The following TSHZ3 variants were observed in gnomAD, a reference collection of about 807,000 sequenced individuals.
TSHZ3 encodes the protein teashirt homolog 3.
TSHZ3 carries 10 observed loss-of-function variants against 64.5 expected under a neutral mutation model. That is an observed-to-expected ratio of 0.16 (90% CI 0.10 to 0.26). TSHZ3 has a LOEUF of 0.26. Ranked by LOEUF, TSHZ3 falls within the 10% of genes least tolerant of loss-of-function variation. The probability of loss-of-function intolerance (pLI) is 1.00; values close to 1 mark genes in which losing one functional copy is unlikely to be tolerated. For synonymous variants in TSHZ3, 608 were observed against 593.1 expected (o/e 1.03, Z -0.36); for missense variants, 1,242 against 1,421.7 (o/e 0.87, Z 2.03).
chr19:31,302,651 C>T (rs951144796), intron 1 of TSHZ3, among the ~76,000 whole-genome samples: 3 of 152,166 alleles, frequency 2.0e-5, no homozygotes, highest in Non-Finnish European at 2.9e-5. Flanking sequence ...AAAAACTACA[C>T]ACATACAAAA....
chr19:31,313,240 G>A (rs1025423076), intron 1 of TSHZ3, among the ~76,000 whole-genome samples: 5 of 152,198 alleles, frequency 3.3e-5, no homozygotes, highest in African/African-American at 1.2e-4. Flanking sequence ...AAGGGAATTT[G>A]TCAGGTTTCT....
At position 31,278,752 on chromosome 19, in the gene TSHZ3, G is replaced by A. The variant is rs1186156962; in HGVS notation, c.1041C>T (p.Asp347=). 3 of 1,614,234 alleles carry A rather than the reference G, an allele frequency of 1.9e-6. No individual in the cohort carries two copies. The highest frequency in any genetic ancestry group is 2.7e-5 in the African/African-American group (2 of 75,066). ...TGGTPKATIS[D]TNDALQKNSN... ...AGTTCTTCTGAAGTGCATCGTTGGT[G>A]TCTGAGATGGTGGCTTTGGGGGTTC... The change falls in exon 2 of 2, where the codon GAC becomes GAT. Residue 347 remains aspartate, a synonymous_variant. Transcript: ENST00000240587. The surrounding 1 kb of genome is among the most constrained non-coding windows in gnomAD (Gnocchi z 4.7).
intron 5 of TSHZ3, among the ~76,000 whole-genome samples, chr19:31,174,613 A>T (rs1371736492): frequency 6.6e-6 from 1 of 152,174 alleles, no homozygotes; most frequent in Non-Finnish European, 1.5e-5. Flanking sequence ...TTATCTGGTT[A>T]TCTATTTATG....
intron 1 of TSHZ3, among the ~76,000 whole-genome samples, chr19:31,281,322 A>C (rs1191756726): frequency 6.6e-6 from 1 of 152,102 alleles, no homozygotes; most frequent in East Asian, 1.9e-4. Flanking sequence ...GACAGGTGTG[A>C]TTCTTTTGCT....
chr19:31,246,029 C>G (rs1317593776), intron 1 of TSHZ3, among the ~76,000 whole-genome samples: 2 of 152,166 alleles, frequency 1.3e-5, no homozygotes, highest in Admixed American at 6.5e-5. Context: ...AAATAGTATT[C>G]AGACCTCAGA....
At chr19:31,227,515 G>T (rs1328386790) in intron 4 of TSHZ3, among the ~76,000 whole-genome samples, 2 of 152,122 alleles carry the variant, frequency 1.3e-5, no homozygotes, top group Non-Finnish European at 1.5e-5. Context: ...GGGAGAGCCT[G>T]CTAGAAGAGA....
chr19:31,325,567 C>T (rs1380409078), intron 1 of TSHZ3, among the ~76,000 whole-genome samples: 26 of 152,156 alleles, frequency 1.7e-4, no homozygotes, highest in Admixed American at 1.6e-3. Context: ...CGCACTCCCA[C>T]GCAGCTGTGG....
At chr19:31,159,833 T>C (rs1974351658) in intron 5 of TSHZ3, among the ~76,000 whole-genome samples, 1 of 151,840 alleles carries the variant, frequency 6.6e-6, no homozygotes, top group Non-Finnish European at 1.5e-5. Context: ...ACTGAGACTA[T>C]AGCTGCATGC....
chr19:31,316,356 C>T (rs986355618), intron 1 of TSHZ3, among the ~76,000 whole-genome samples: 1 of 152,180 alleles, frequency 6.6e-6, no homozygotes, highest in African/African-American at 2.4e-5. Flanking sequence ...AAGGGGAAGA[C>T]GGCACCTCTA....
Position 31,277,429 on chromosome 19 carries a change from C to G in TSHZ3, c.2364G>C (p.Gln788His). The G allele has an allele frequency of 6.2e-7, 1 of 1,614,064 alleles. No individual in the cohort carries two copies. The highest frequency in any genetic ancestry group is 8.5e-7 in the Non-Finnish European group (1 of 1,180,006). The change falls in exon 2 of 2, where the codon CAG (glutamine) becomes CAC (histidine). Residue 788 changes from glutamine (Q) to histidine (H), a missense_variant. Transcript: ENST00000240587. This position sits in a 1 kb window ranked among gnomAD's most constrained non-coding sequence, Gnocchi z 4.5. ...TCTTCCCTTTTGTCAAGTCTATGGG[C>G]TGGTCGTTGTTGACGTGGTAGAAAT... is the stretch of plus-strand genomic sequence containing the variant. ...DRYFYHVNNDQPIDLTKGKSD... is the reference protein window; with the variant it reads ...DRYFYHVNNDHPIDLTKGKSD...
chr19:31,243,571 C>T (rs753525307), intron 1 of TSHZ3, among the ~76,000 whole-genome samples: 14 of 152,066 alleles, frequency 9.2e-5, no homozygotes, highest in Non-Finnish European at 1.3e-4. Context: ...TAGTGGTGAC[C>T]GCCCTGCCGC....
chr19:31,209,906 T>C (rs1474963348), intron 4 of TSHZ3, among the ~76,000 whole-genome samples: 1 of 151,684 alleles, frequency 6.6e-6, no homozygotes, highest in Non-Finnish European at 1.5e-5. Flanking sequence ...TGTGGAGTGG[T>C]TGGGTGGGGG....
chr19:31,249,509 A>G (rs934703650), intron 1 of TSHZ3, among the ~76,000 whole-genome samples: 1 of 151,668 alleles, frequency 6.6e-6, no homozygotes, highest in African/African-American at 2.4e-5. Flanking sequence ...ACACACACAC[A>G]TGCGCGCCCG....
At chr19:31,293,658 C>A (rs56093513) in intron 1 of TSHZ3, among the ~76,000 whole-genome samples, 13,037 of 152,226 alleles carry the variant, frequency 0.086, 1,484 homozygotes, top group African/African-American at 0.26. Context: ...AACTCTAAAG[C>A]CTACAGAAAT....
chr19:31,184,936 ATTTTTC>A (rs1413637152), intron 5 of TSHZ3, among the ~76,000 whole-genome samples: 1 of 152,104 alleles, frequency 6.6e-6, no homozygotes, highest in East Asian at 1.9e-4. Flanking sequence ...CTGCCTCTTT[ATTTTTC>A]CCCCCAAGGG....
Position 31,213,209 on chromosome 19 carries a change from T to C in TSHZ3, n.687-8131A>G, listed in dbSNP as rs558590365. Among the ~76,000 whole-genome samples the C allele has an allele frequency of 2.0e-5, 3 of 151,378 alleles. No individual in the cohort carries two copies. In the South Asian group the frequency reaches 6.3e-4, roughly 32 times the overall value. ...CGTCTCTACTAAAATACAAAAAAAT[T>C]AGCCGGGCGTGGCGTCATGCACCTG... is the stretch of plus-strand genomic sequence containing the variant. On this transcript the variant is annotated intron_variant and non_coding_transcript_variant, in intron 4 of 6. Coordinates refer to the TSHZ3 transcript ENST00000651361.
chr19:31,195,351 G>A (rs2145143515), intron 5 of TSHZ3, among the ~76,000 whole-genome samples: 1 of 151,842 alleles, frequency 6.6e-6, no homozygotes, highest in Admixed American at 6.6e-5. Context: ...GAAGCCATAG[G>A]GAAAAACACC....
At chr19:31,198,148 G>C (rs1975019564) in intron 5 of TSHZ3, among the ~76,000 whole-genome samples, 1 of 152,060 alleles carries the variant, frequency 6.6e-6, no homozygotes, top group African/African-American at 2.4e-5. Context: ...TTCAATATTT[G>C]AAAATCAATT....
At chr19:31,281,098 G>T (rs78259587) in intron 1 of TSHZ3, among the ~76,000 whole-genome samples, 2 of 152,120 alleles carry the variant, frequency 1.3e-5, no homozygotes, top group African/African-American at 4.8e-5. Flanking sequence ...TGGTTGGAAC[G>T]TTGCAGTGCT....
Sources: gnomAD v4.1 joint callset for allele counts (sites outside exome capture counted in the v4.1 genomes callset) on GRCh38, gnomAD v4.1.1 for gene constraint, Gnocchi (gnomAD v3.1) non-coding constraint, MANE v1.5 for transcripts, NCBI Gene and HGNC (gene_info 2026-07-23, HGNC 2026-07-21) for gene names.